The following MYO6 variants were observed in gnomAD, a reference collection of about 807,000 sequenced individuals.
MYO6 encodes the protein unconventional myosin-VI.
Under a neutral mutation model 178.7 loss-of-function variants are expected in MYO6, and 74 were observed. That is an observed-to-expected ratio of 0.41 (90% confidence interval 0.34 to 0.50). MYO6 has a LOEUF of 0.50. Among genes scored for constraint, MYO6 ranks in the 20% least tolerant of loss-of-function variants. The pLI, the probability that MYO6 is intolerant of heterozygous loss-of-function variation, is 0.09. For synonymous variants in MYO6, 477 were observed against 504.6 expected (o/e 0.95, Z 0.73); for missense variants, 1,330 against 1,547.4 (o/e 0.86, Z 2.36).
At chr6:75,890,763 G>C (rs974245131) in intron 26 of MYO6, among the ~76,000 whole-genome samples, 2 of 152,168 alleles carry the variant, frequency 1.3e-5, no homozygotes, top group African/African-American at 4.8e-5. Context: ...ACTATAATCT[G>C]AATTTGTTAG....
intron 33 of MYO6, 124 bp from the exon 34 acceptor site, chr6:75,913,939 G>C: frequency 2.7e-6 from 2 of 741,488 alleles, no homozygotes; most frequent in Non-Finnish European, 4.3e-6. Flanking sequence ...TTTTCATTTT[G>C]TTTTAAATTT....
At chr6:75,777,250 C>T (rs180885002) in intron 1 of MYO6, among the ~76,000 whole-genome samples, 1 of 152,134 alleles carries the variant, frequency 6.6e-6, no homozygotes, top group East Asian at 1.9e-4. Context: ...GTCTTCAGGG[C>T]CTAGTACTCC....
At chr6:75,782,302 G>T (rs1224765265) in intron 1 of MYO6, among the ~76,000 whole-genome samples, 1 of 151,796 alleles carries the variant, frequency 6.6e-6, no homozygotes, top group Non-Finnish European at 1.5e-5. Context: ...GATTTATCTT[G>T]GTTTCTTATA....
chr6:75,915,771 GT>G lies in MYO6; in HGVS notation c.*763del, dbSNP rs1054586294. 2.0e-5 allele frequency: 3 copies of G among 152,622 alleles called. No homozygotes were observed. The highest frequency in any genetic ancestry group is 4.4e-5 in the Non-Finnish European group (3 of 68,024). 9.5% of individuals were successfully genotyped at this position (152,622 alleles called of 1,614,324 possible). Reference sequence around the variant, plus strand: ...TAAATGCCTAAAAGTTTTGAGATAAGTTTTGTTTCAATTAGAAAAGGAAATA... The same window carrying G: ...TAAATGCCTAAAAGTTTTGAGATAAGTTTGTTTCAATTAGAAAAGGAAATA... On this transcript the variant is annotated 3_prime_UTR_variant, in exon 35 of 35. Coordinates refer to ENST00000369977, the MANE Select transcript of MYO6 (RefSeq NM_004999.4).
chr6:75,859,627 C>T (rs1012770469), intron 14 of MYO6, among the ~76,000 whole-genome samples: 2 of 150,358 alleles, frequency 1.3e-5, no homozygotes. Flanking sequence ...CCACACCAAA[C>T]AACCTTCTAC....
intron 1 of MYO6, among the ~76,000 whole-genome samples, chr6:75,794,423 G>A (rs1482745986): frequency 6.6e-6 from 1 of 152,128 alleles, no homozygotes; most frequent in African/African-American, 2.4e-5. Flanking sequence ...CAAGTAATAG[G>A]GGTGAAATAA....
chr6:75,778,293 A>C (rs1392234816), intron 1 of MYO6, among the ~76,000 whole-genome samples: 3 of 152,150 alleles, frequency 2.0e-5, no homozygotes, highest in Non-Finnish European at 4.4e-5. Context: ...AAGTAAAATA[A>C]ATAGTTCTAA....
At chr6:75,778,736 CTTT>C (rs1163388594) in intron 1 of MYO6, among the ~76,000 whole-genome samples, 3 of 150,168 alleles carry the variant, frequency 2.0e-5, no homozygotes, top group Non-Finnish European at 4.4e-5. Flanking sequence ...TAATGAAATT[CTTT>C]TTTTTCTTTT....
rs727504743 is a variant in MYO6, at chr6:75,891,256, CAAG to C, written c.2907_2909del (p.Glu970del). 1.0e-4 allele frequency: 165 copies of C among 1,607,670 alleles called. No individual in the cohort carries two copies. Among genetic ancestry groups the C allele is most frequent in the Admixed American group, 9.0e-4 (54 of 59,750 alleles). On this transcript the variant is annotated inframe_deletion, in exon 27 of 35. Transcript: ENST00000369977. ...ACTTGAGATGGAAGCAAAGAGAAAACAAGAAGAAGAAGAGAGAAAGAAAAGGGA... is the reference window on the plus strand; with the variant it reads ...ACTTGAGATGGAAGCAAAGAGAAAACAAGAAGAAGAGAGAAAGAAAAGGGA...
chr6:75,811,204 T>G (rs1770673250), intron 1 of MYO6, among the ~76,000 whole-genome samples: 1 of 152,126 alleles, frequency 6.6e-6, no homozygotes, highest in African/African-American at 2.4e-5. Flanking sequence ...TTTCACCTAG[T>G]TTTCCTTATT....
At position 75,892,686 on chromosome 6, in the gene MYO6, C is replaced by T. The variant is rs551471138; in HGVS notation, c.3103C>T (p.Arg1035Trp). The T allele has an allele frequency of 1.9e-5, 31 of 1,612,218 alleles. No individual in the cohort carries two copies. The highest frequency in any genetic ancestry group is 1.1e-4 in the African/African-American group (8 of 74,976). The change falls in exon 28 of 35, where the codon CGG (arginine) becomes TGG (tryptophan). Residue 1035 changes from arginine (R) to tryptophan (W), a missense_variant. This residue lies in a region of MYO6 where 601 missense variants were observed against 626.1 expected (regional missense o/e 0.96). Transcript: ENST00000369977. ...TGAGGCCCAGGCCGACCTGGCGCTG[C>T]GGAGGTACTGGGGCCCCTGGGTGGG... ...SDEAQADLAL[R>W]RNDGTRPKMT...
At chr6:75,786,790 T>C (rs1283269024) in intron 1 of MYO6, among the ~76,000 whole-genome samples, 1 of 152,208 alleles carries the variant, frequency 6.6e-6, no homozygotes, top group East Asian at 1.9e-4. Context: ...CAACTTTTTT[T>C]CTGAACTTTT....
chr6:75,843,187 G>C (rs765866306), intron 9 of MYO6, among the ~76,000 whole-genome samples: 2 of 152,260 alleles, frequency 1.3e-5, no homozygotes, highest in Admixed American at 6.5e-5. Context: ...GGTTATAATT[G>C]AGAGATCAGG....
chr6:75,804,937 AC>A (rs1486567020), intron 1 of MYO6, among the ~76,000 whole-genome samples: 4 of 147,526 alleles, frequency 2.7e-5, no homozygotes, highest in Admixed American at 6.8e-5. Flanking sequence ...ACACATATAT[AC>A]ATATATACAC....
At chr6:75,778,623 C>T (rs1196231020) in intron 1 of MYO6, among the ~76,000 whole-genome samples, 1 of 151,848 alleles carries the variant, frequency 6.6e-6, no homozygotes, top group Non-Finnish European at 1.5e-5. Flanking sequence ...TTTTTTTCTG[C>T]CTTTTTCTAA....
chr6:75,812,155 AC>A (rs1275632600), intron 1 of MYO6, among the ~76,000 whole-genome samples: 1 of 152,094 alleles, frequency 6.6e-6, no homozygotes, highest in Non-Finnish European at 1.5e-5. Flanking sequence ...AGTAGCCAGA[AC>A]TACAGGGCTA....
intron 31 of MYO6, 42 bp downstream of exon 31, chr6:75,907,750 T>C: frequency 1.4e-6 from 2 of 1,471,588 alleles, no homozygotes; most frequent in Non-Finnish European, 1.9e-6. Context: ...ATGTTCATAG[T>C]GATAGGTGAT....
intron 10 of MYO6, among the ~76,000 whole-genome samples, chr6:75,845,679 A>C (rs1192000141): frequency 1.3e-5 from 2 of 151,328 alleles, no homozygotes; most frequent in Non-Finnish European, 2.9e-5. Context: ...GGGCAACAGA[A>C]TTAAAAACAA....
chr6:75,765,602 AC>A (rs1009287158), intron 1 of MYO6, among the ~76,000 whole-genome samples: 1 of 152,088 alleles, frequency 6.6e-6, no homozygotes, highest in Non-Finnish European at 1.5e-5. Context: ...AAAAAAAATT[AC>A]CAGAAGTGAT....
Sources: allele counts gnomAD v4.1 joint callset (sites outside exome capture counted in the v4.1 genomes callset), GRCh38; gene constraint gnomAD v4.1.1; regional missense constraint gnomAD v4.1.1; transcripts MANE v1.5; gene names NCBI Gene and HGNC (gene_info 2026-07-23, HGNC 2026-07-21).